The following LDB2 variants were observed in gnomAD, a reference collection of about 807,000 sequenced individuals.
The protein encoded by LDB2 is LIM domain binding 2, also known as LIM domain-binding protein 2.
Under a neutral mutation model 44.3 loss-of-function variants are expected in LDB2, and 12 were observed. The ratio of observed to expected loss-of-function variants is 0.27; its 90% CI spans 0.17 to 0.44. The LOEUF is 0.44. Among genes scored for constraint, LDB2 ranks in the 20% least tolerant of loss-of-function variants. The probability of loss-of-function intolerance (pLI) is 1.00; values close to 1 mark genes in which losing one functional copy is unlikely to be tolerated. For synonymous variants in LDB2, 164 were observed against 174.8 expected (o/e 0.94, Z 0.49); for missense variants, 344 against 473.5 (o/e 0.73, Z 2.54).
At chr4:16,596,762 T>C (rs1721040527) in intron 2 of LDB2, among the ~76,000 whole-genome samples, 1 of 152,216 alleles carries the variant, frequency 6.6e-6, no homozygotes, top group Non-Finnish European at 1.5e-5. Context: ...TGTCCCATTT[T>C]AGTTTCAGCG....
At chr4:16,887,536 G>GTT (rs138515553) in intron 1 of LDB2, among the ~76,000 whole-genome samples, 13 of 152,060 alleles carry the variant, frequency 8.5e-5, no homozygotes, top group Middle Eastern at 3.4e-3. Flanking sequence ...AAAAAAGGTT[G>GTT]TTTTTTTGTG....
chr4:16,771,639 T>C (rs1579514872), intron 1 of LDB2, among the ~76,000 whole-genome samples: 1 of 152,198 alleles, frequency 6.6e-6, no homozygotes, highest in African/African-American at 2.4e-5. Context: ...TTTGAGAACA[T>C]ACTCTTGATT....
At chr4:16,564,427 A>G (rs910058167) in intron 5 of LDB2, among the ~76,000 whole-genome samples, 1 of 152,222 alleles carries the variant, frequency 6.6e-6, no homozygotes, top group African/African-American at 2.4e-5. Context: ...TTAACCACCC[A>G]TGCAAAAGCC....
At chr4:16,724,685 A>G (rs970137139) in intron 2 of LDB2, among the ~76,000 whole-genome samples, 2 of 152,156 alleles carry the variant, frequency 1.3e-5, no homozygotes, top group African/African-American at 4.8e-5. Flanking sequence ...CCCTCATCTC[A>G]TTGATTAGCA....
intron 2 of LDB2, among the ~76,000 whole-genome samples, chr4:16,617,879 T>C (rs2152475025): frequency 6.6e-6 from 1 of 152,334 alleles, no homozygotes; most frequent in African/African-American, 2.4e-5. Context: ...CCTGTATTGA[T>C]GGAGTCCTTT....
At chr4:16,659,650 CAT>C (rs56851598) in intron 2 of LDB2, among the ~76,000 whole-genome samples, 79,672 of 141,420 alleles carry the variant, frequency 0.56, 23,375 homozygotes, top group Middle Eastern at 0.68. Context: ...TACACACACA[CAT>C]ATGAGTATAT....
intron 2 of LDB2, among the ~76,000 whole-genome samples, chr4:16,685,597 G>A (rs564018756): frequency 5.6e-4 from 85 of 152,190 alleles, no homozygotes; most frequent in African/African-American, 1.8e-3. Flanking sequence ...GTAGCAGGGG[G>A]AAGGAAGCAG....
intron 1 of LDB2, among the ~76,000 whole-genome samples, chr4:16,822,889 G>A (rs745505922): frequency 3.3e-5 from 5 of 152,160 alleles, no homozygotes; most frequent in African/African-American, 1.2e-4. Flanking sequence ...CATATTCCAT[G>A]TCTATTAGTA....
chr4:16,590,073 C>T (rs973376154), intron 3 of LDB2, among the ~76,000 whole-genome samples: 2 of 152,260 alleles, frequency 1.3e-5, no homozygotes, highest in Non-Finnish European at 1.5e-5. Flanking sequence ...AAACACAAAG[C>T]GCTAGACCAG....
chr4:16,530,491 G>A (rs1488261583), intron 5 of LDB2, among the ~76,000 whole-genome samples: 7 of 152,194 alleles, frequency 4.6e-5, no homozygotes, highest in Non-Finnish European at 1.0e-4. Context: ...AGCTGCCCAA[G>A]GGCACACTGA....
At chr4:16,697,762 AAGAC>A (rs1752517616) in intron 2 of LDB2, among the ~76,000 whole-genome samples, 1 of 152,218 alleles carries the variant, frequency 6.6e-6, no homozygotes, top group South Asian at 2.1e-4. Context: ...AGTGGTGGGC[AAGAC>A]AGACAAAGTT....
chr4:16,629,393 A>G (rs1375977177), intron 2 of LDB2, among the ~76,000 whole-genome samples: 2 of 152,104 alleles, frequency 1.3e-5, no homozygotes, highest in Non-Finnish European at 2.9e-5. Flanking sequence ...GACACCTAAT[A>G]CAGATGGGTA....
chr4:16,870,589 T>G (rs1004410580), intron 1 of LDB2, among the ~76,000 whole-genome samples: 1 of 152,068 alleles, frequency 6.6e-6, no homozygotes, highest in East Asian at 1.9e-4. Context: ...CCTTCTTGTG[T>G]CCACTCCATA....
intron 2 of LDB2, among the ~76,000 whole-genome samples, chr4:16,739,616 ATACATG>A (rs1762627400): frequency 1.2e-5 from 1 of 83,756 alleles, no homozygotes; most frequent in African/African-American, 4.9e-5. Flanking sequence ...ATATGTATAT[ATACATG>A]TGTGTGTATA....
intron 2 of LDB2, among the ~76,000 whole-genome samples, chr4:16,730,912 C>A (rs1760615259): frequency 6.6e-6 from 1 of 152,170 alleles, no homozygotes; most frequent in East Asian, 1.9e-4. Flanking sequence ...TTCTTATCCC[C>A]CTTGACTGTC....
intron 2 of LDB2, among the ~76,000 whole-genome samples, chr4:16,660,228 G>T (rs1578555483): frequency 1.3e-5 from 2 of 152,192 alleles, no homozygotes; most frequent in African/African-American, 4.8e-5. Context: ...CTATTTTGCA[G>T]TTAGATATTG....
intron 1 of LDB2, among the ~76,000 whole-genome samples, chr4:16,883,663 T>A (rs1719065023): frequency 6.6e-6 from 1 of 152,212 alleles, no homozygotes; most frequent in African/African-American, 2.4e-5. Context: ...CTCTTCCCCA[T>A]GCAGCCTTCT....
At chr4:16,808,741 C>T (rs1273648845) in intron 1 of LDB2, among the ~76,000 whole-genome samples, 2 of 152,138 alleles carry the variant, frequency 1.3e-5, no homozygotes, top group East Asian at 1.9e-4. Flanking sequence ...TAGTTTGGGA[C>T]AGATGGACTG....
intron 2 of LDB2, among the ~76,000 whole-genome samples, chr4:16,665,817 T>A (rs562628686): frequency 3.3e-5 from 5 of 152,198 alleles, no homozygotes; most frequent in Non-Finnish European, 7.3e-5. Flanking sequence ...CATCCCGGAC[T>A]GGGGCAGGCC....
Sources: allele counts gnomAD v4.1 joint callset (sites outside exome capture counted in the v4.1 genomes callset), GRCh38; gene constraint gnomAD v4.1.1; transcripts MANE v1.5; gene names NCBI Gene and HGNC (gene_info 2026-07-23, HGNC 2026-07-21).